Variants in AUTS2 observed in about 807,000 individuals in gnomAD.
AUTS2 encodes the protein activator of transcription and developmental regulator AUTS2.
Under a neutral mutation model 112.4 loss-of-function variants are expected in AUTS2, and 17 were observed. The ratio of observed to expected loss-of-function variants is 0.15; its 90% CI spans 0.10 to 0.23. The LOEUF is 0.23. Among genes scored for constraint, AUTS2 ranks in the 10% least tolerant of loss-of-function variants. AUTS2 has a pLI of 1.00. For synonymous variants in AUTS2, 751 were observed against 702.7 expected (o/e 1.07, Z -1.09); for missense variants, 1,510 against 1,701.6 (o/e 0.89, Z 1.98).
At chr7:69,731,323 G>A (rs556303738) in intron 1 of AUTS2, among the ~76,000 whole-genome samples, 1 of 152,156 alleles carries the variant, frequency 6.6e-6, no homozygotes, top group Admixed American at 6.5e-5. Context: ...AACAAAAAAC[G>A]TGGGCTTTGA....
chr7:69,808,189 A>G (rs777859724), intron 1 of AUTS2, among the ~76,000 whole-genome samples: 12 of 152,126 alleles, frequency 7.9e-5, no homozygotes, highest in Admixed American at 3.3e-4. Flanking sequence ...CTGCCTCCCA[A>G]AGTGGGGATT....
intron 6 of AUTS2, among the ~76,000 whole-genome samples, chr7:70,736,392 A>T (rs368365693): frequency 6.6e-6 from 1 of 152,188 alleles, no homozygotes; most frequent in African/African-American, 2.4e-5. Context: ...TAAAATGTGG[A>T]TTGAAGAAAA....
intron 1 of AUTS2, among the ~76,000 whole-genome samples, chr7:69,664,035 G>A (rs1388497898): frequency 1.3e-5 from 2 of 152,202 alleles, no homozygotes; most frequent in African/African-American, 4.8e-5. Flanking sequence ...CTTTGGAAAT[G>A]TCAGTGAAAG....
intron 4 of AUTS2, among the ~76,000 whole-genome samples, chr7:70,357,204 G>A (rs893101661): frequency 3.3e-5 from 5 of 152,136 alleles, no homozygotes; most frequent in South Asian, 2.1e-4. Flanking sequence ...ACCGCGCAGG[G>A]GAAGAATGCT....
At chr7:70,273,896 A>G (rs962600765) in intron 4 of AUTS2, among the ~76,000 whole-genome samples, 9 of 152,348 alleles carry the variant, frequency 5.9e-5, no homozygotes, top group Admixed American at 3.9e-4. Context: ...ATAAGAGAAG[A>G]TTTTAAAAAT....
chr7:70,258,740 T>C (rs1352751480), intron 4 of AUTS2, among the ~76,000 whole-genome samples: 1 of 152,202 alleles, frequency 6.6e-6, no homozygotes, highest in Non-Finnish European at 1.5e-5. Context: ...TGACAACAAA[T>C]ATTTAATGAT....
chr7:70,560,930 G>A (rs1309045090), intron 5 of AUTS2, among the ~76,000 whole-genome samples: 1 of 152,118 alleles, frequency 6.6e-6, no homozygotes, highest in African/African-American at 2.4e-5. Context: ...GAAAGCTTTG[G>A]CTTACAATCA....
Position 70,621,838 on chromosome 7 carries a change from C to CTTTTTTTTTT in AUTS2, c.691-76713_691-76704dup, listed in dbSNP as rs67123941. Among the ~76,000 whole-genome samples, 34 of 66,816 alleles carry CTTTTTTTTTT rather than the reference C, an allele frequency of 5.1e-4. 9 individuals are homozygous for CTTTTTTTTTT. In the East Asian group the frequency reaches 5.5e-3, roughly 11 times the overall value. The allele number at this position is 66,816 out of a possible 152,430, so 43.8% of individuals were successfully genotyped here. On this transcript the variant is annotated intron_variant, in intron 5 of 18. Coordinates refer to ENST00000342771, the MANE Select transcript of AUTS2 (RefSeq NM_015570.4). The stretch of plus-strand genomic sequence containing the variant: ...GCTTACGTTAGTGCATAGTCATTCT[C>CTTTTTTTTTT]TTTTTTTTTTTTTTTTTTTTTTTTT...
intron 1 of AUTS2, among the ~76,000 whole-genome samples, chr7:69,706,357 CTGTTAG>C (rs780737776): frequency 2.2e-4 from 33 of 152,214 alleles, no homozygotes; most frequent in Admixed American, 3.9e-4. Context: ...AATATCTGTT[CTGTTAG>C]TAAGTGAGGG....
intron 6 of AUTS2, among the ~76,000 whole-genome samples, chr7:70,703,099 A>G (rs1359436094): frequency 6.6e-6 from 1 of 152,176 alleles, no homozygotes; most frequent in Non-Finnish European, 1.5e-5. Flanking sequence ...TGGCGACCAT[A>G]TGACCTTATT....
intron 5 of AUTS2, among the ~76,000 whole-genome samples, chr7:70,650,201 A>G (rs905764010): frequency 1.3e-5 from 2 of 152,208 alleles, no homozygotes; most frequent in African/African-American, 4.8e-5. Context: ...ATTCTTTTCT[A>G]GAGACCCCAT....
At chr7:69,962,267 ATTCTG>A (rs915643026) in intron 2 of AUTS2, among the ~76,000 whole-genome samples, 14 of 152,096 alleles carry the variant, frequency 9.2e-5, no homozygotes, top group African/African-American at 3.1e-4. Flanking sequence ...GTGCCATTTA[ATTCTG>A]TTCTTGGCAG....
At chr7:70,514,522 G>T (rs1339091864) in intron 5 of AUTS2, among the ~76,000 whole-genome samples, 1 of 152,234 alleles carries the variant, frequency 6.6e-6, no homozygotes, top group Non-Finnish European at 1.5e-5. Context: ...GCCAGCTCCT[G>T]TGTGAACTAA....
At chr7:70,461,732 C>G (rs573280475) in intron 5 of AUTS2, among the ~76,000 whole-genome samples, 2 of 152,142 alleles carry the variant, frequency 1.3e-5, no homozygotes, top group African/African-American at 4.8e-5. Context: ...GGACACATAA[C>G]AAGGGTGTGG....
At chr7:69,914,352 C>G (rs1187300421) in intron 2 of AUTS2, among the ~76,000 whole-genome samples, 41 of 126,170 alleles carry the variant, frequency 3.2e-4, no homozygotes, top group African/African-American at 1.0e-3. Context: ...GACACACACA[C>G]ACAGACACAC....
intron 6 of AUTS2, among the ~76,000 whole-genome samples, chr7:70,750,933 A>G (rs1204587913): frequency 4.0e-5 from 6 of 150,278 alleles, no homozygotes; most frequent in African/African-American, 1.3e-4. Flanking sequence ...TGAAACTCGA[A>G]ACTAGGGTTT....
intron 1 of AUTS2, among the ~76,000 whole-genome samples, chr7:69,701,267 A>T (rs1346539487): frequency 6.6e-6 from 1 of 152,214 alleles, no homozygotes; most frequent in Non-Finnish European, 1.5e-5. Flanking sequence ...CAGTGGTTTC[A>T]GAGGCCATGC....
chr7:70,289,205 A>G (rs1788598845), intron 4 of AUTS2, among the ~76,000 whole-genome samples: 1 of 152,218 alleles, frequency 6.6e-6, no homozygotes, highest in Non-Finnish European at 1.5e-5. Context: ...ATAGGTTAAC[A>G]TGTGTGATTG....
At chr7:70,174,198 A>C (rs574630188) in intron 4 of AUTS2, among the ~76,000 whole-genome samples, 1 of 152,346 alleles carries the variant, frequency 6.6e-6, no homozygotes, top group East Asian at 1.9e-4. Context: ...GATATGGAGA[A>C]ATTTTAGGAG....
Sources: allele counts gnomAD v4.1 joint callset (sites outside exome capture counted in the v4.1 genomes callset), GRCh38; gene constraint gnomAD v4.1.1; transcripts MANE v1.5; gene names NCBI Gene and HGNC (gene_info 2026-07-23, HGNC 2026-07-21).